COL6A6: variants seen among roughly 807,000 people sequenced by gnomAD.
COL6A6 encodes the protein collagen type VI alpha 6 chain.
Under a neutral mutation model 208.6 loss-of-function variants are expected in COL6A6, and 183 were observed. That is an observed-to-expected ratio of 0.88 (90% CI 0.78 to 0.99). COL6A6 has a LOEUF of 0.99. COL6A6 is among the 50% of genes least tolerant of loss of function. COL6A6 has a pLI of 0.00. For missense variants in COL6A6, 2,816 were observed against 2,815.2 expected, an observed-to-expected ratio of 1.00 and a Z score of -0.01; for synonymous variants, 973 against 1,011.8, an observed-to-expected ratio of 0.96 and a Z score of 0.73.
intron 24 of COL6A6, 124 bp from the exon 25 acceptor site, chr3:130,626,361 G>C (rs1194049693): frequency 1.4e-5 from 10 of 727,856 alleles, no homozygotes; most frequent in Middle Eastern, 4.9e-4. Context: ...AGTTCCTCTT[G>C]TATCACTTGC....
At chr3:130,642,229 C>T (rs2065332956) in intron 29 of COL6A6, among the ~76,000 whole-genome samples, 1 of 148,358 alleles carries the variant, frequency 6.7e-6, no homozygotes, top group Non-Finnish European at 1.5e-5. Context: ...CTATCCCAAA[C>T]TCTGACAGAT....
chr3:130,590,014 G>T (rs918000138), intron 12 of COL6A6: 1 of 449,164 alleles, frequency 2.2e-6, no homozygotes, highest in Non-Finnish European at 4.5e-6. Flanking sequence ...AAAAAACAAG[G>T]CTCAGAAAGA....
intron 1 of COL6A6, among the ~76,000 whole-genome samples, chr3:130,542,591 G>A (rs556432283): frequency 6.6e-6 from 1 of 152,248 alleles, no homozygotes; most frequent in Admixed American, 6.5e-5. Context: ...TTTTCTGCCT[G>A]CTGGATCTGT....
At chr3:130,601,032 A>C (rs1466310814) in intron 20 of COL6A6, among the ~76,000 whole-genome samples, 1 of 152,114 alleles carries the variant, frequency 6.6e-6, no homozygotes, top group East Asian at 1.9e-4. Context: ...ACTTTAAAAA[A>C]TTTGTGTGCA....
chr3:130,598,502 ATGCTT>A, intron 19 of COL6A6, 72 bp downstream of exon 19: 4 of 1,011,200 alleles, frequency 4.0e-6, no homozygotes, highest in Admixed American at 4.6e-5. Flanking sequence ...AGAATGTGAA[ATGCTT>A]AACAAAAAAA....
At chr3:130,581,007 T>G (rs1424130859) in intron 8 of COL6A6, among the ~76,000 whole-genome samples, 3 of 152,030 alleles carry the variant, frequency 2.0e-5, no homozygotes, top group Admixed American at 2.0e-4. Flanking sequence ...TTTTTAGTTT[T>G]TTTTTTTTTC....
At chr3:130,601,715 T>C in intron 20 of COL6A6, among the ~76,000 whole-genome samples, 1 of 152,242 alleles carries the variant, frequency 6.6e-6, no homozygotes, top group Middle Eastern at 3.2e-3. Context: ...GGGACTTCAG[T>C]TGAAATGGCA....
At chr3:130,559,760 T>C (rs1180402611) in intron 1 of COL6A6, among the ~76,000 whole-genome samples, 1 of 152,140 alleles carries the variant, frequency 6.6e-6, no homozygotes, top group Admixed American at 6.5e-5. Context: ...GGACATAAAA[T>C]GGTGTAAGCT....
At position 130,574,492 on chromosome 3, in the gene COL6A6, G is replaced by A. The variant is rs199892156; in HGVS notation, c.3514G>A (p.Val1172Ile). The A allele has an allele frequency of 6.1e-5, 99 of 1,613,838 alleles. No individual in the cohort carries two copies. Among genetic ancestry groups the A allele is most frequent in the Non-Finnish European group, 7.8e-5 (92 of 1,179,886 alleles). Residue 1172 changes from valine (V) to isoleucine (I), a missense_variant, in exon 8 of 37, where the codon GTT (valine) becomes ATT (isoleucine). Physicochemically the swap from Val to Ile is conservative, Grantham distance 29. Coordinates refer to ENST00000358511, the MANE Select transcript of COL6A6 (RefSeq NM_001102608.3). Reference protein sequence around the residue: ...DELKKVNKRIVRNICTTAGES... With the variant: ...DELKKVNKRIIRNICTTAGES... ...ACTGAAGAAGGTCAATAAAAGGATC[G>A]TTCGCAACATCTGTACCACAGCGGG...
At chr3:130,611,212 TG>T (rs1253542753) in intron 23 of COL6A6, among the ~76,000 whole-genome samples, 1 of 152,198 alleles carries the variant, frequency 6.6e-6, no homozygotes, top group East Asian at 1.9e-4. Flanking sequence ...ATGACTGCTC[TG>T]CATTAGCACT....
intron 24 of COL6A6, among the ~76,000 whole-genome samples, chr3:130,624,486 C>G (rs2064827773): frequency 6.6e-6 from 1 of 152,086 alleles, no homozygotes; most frequent in South Asian, 2.1e-4. Context: ...ACTTCTATGG[C>G]ATGTAGTGTA....
chr3:130,568,652 CT>C, intron 6 of COL6A6, 48 bp downstream of exon 6: 1 of 1,425,322 alleles, frequency 7.0e-7, no homozygotes, highest in African/African-American at 1.4e-5. Context: ...CAACAGATGT[CT>C]TTTTTAGCCT....
intron 23 of COL6A6, among the ~76,000 whole-genome samples, chr3:130,613,111 T>G (rs2064410522): frequency 6.6e-6 from 1 of 152,226 alleles, no homozygotes; most frequent in Non-Finnish European, 1.5e-5. Flanking sequence ...AGAATGGTGT[T>G]TCCTAGGTTA....
chr3:130,548,348 T>G (rs2062566617), intron 1 of COL6A6, among the ~76,000 whole-genome samples: 1 of 152,206 alleles, frequency 6.6e-6, no homozygotes, highest in South Asian at 2.1e-4. Flanking sequence ...TAGCCTGTGT[T>G]TTTTGGACTA....
chr3:130,658,437 T>C (rs1269934822), intron 33 of COL6A6, among the ~76,000 whole-genome samples: 3 of 152,158 alleles, frequency 2.0e-5, no homozygotes, highest in African/African-American at 7.2e-5. Flanking sequence ...TGTTAGGAGG[T>C]AGTAGTACTC....
At chr3:130,596,257 C>A (rs1362753652) in intron 18 of COL6A6, among the ~76,000 whole-genome samples, 1 of 152,154 alleles carries the variant, frequency 6.6e-6, no homozygotes, top group Non-Finnish European at 1.5e-5. Context: ...ATAAGCACAA[C>A]TTAGAAATAT....
chr3:130,534,915 C>G (rs1276453232), intron 1 of COL6A6, among the ~76,000 whole-genome samples: 2 of 151,288 alleles, frequency 1.3e-5, no homozygotes, highest in Non-Finnish European at 2.9e-5. Context: ...TGGGTTTTTT[C>G]CTACTATGTT....
chr3:130,617,164 T>C (rs1342225856), intron 23 of COL6A6, among the ~76,000 whole-genome samples: 1 of 152,178 alleles, frequency 6.6e-6, no homozygotes, highest in East Asian at 1.9e-4. Flanking sequence ...CATTAGCCAT[T>C]CCTTTTACTC....
chr3:130,627,314 T>G lies in COL6A6; in HGVS notation c.4942-5T>G. 6.2e-7 allele frequency: 1 copy of G among 1,612,430 alleles called. No homozygotes were observed. The highest frequency in any genetic ancestry group is 8.5e-7 in the Non-Finnish European group (1 of 1,178,488). The stretch of plus-strand genomic sequence containing the variant: ...GATGTTGGTAATCAATTGCTCTGTT[T>G]ACAGGGCAATGATGGCAGTCCAGGT... On this transcript the variant is annotated splice_region_variant and splice_polypyrimidine_tract_variant and intron_variant, in intron 25 of 36. Coordinates refer to ENST00000358511, the MANE Select transcript of COL6A6 (RefSeq NM_001102608.3).
Sources: allele counts gnomAD v4.1 joint callset (sites outside exome capture counted in the v4.1 genomes callset), GRCh38; gene constraint gnomAD v4.1.1; transcripts MANE v1.5; gene names NCBI Gene and HGNC (gene_info 2026-07-23, HGNC 2026-07-21).